The following ANKS1B variants were observed in gnomAD, a reference collection of about 807,000 sequenced individuals.
ANKS1B encodes the protein ankyrin repeat and sterile alpha motif domain-containing protein 1B.
ANKS1B carries 36 observed loss-of-function variants against 148.3 expected under a neutral mutation model. The observed-to-expected ratio is 0.24, with a 90% confidence interval of 0.19 to 0.32. The LOEUF is 0.32. Ranked by LOEUF, ANKS1B falls within the 10% of genes least tolerant of loss-of-function variation. The probability of loss-of-function intolerance (pLI) is 1.00; values close to 1 mark genes in which losing one functional copy is unlikely to be tolerated. For missense variants in ANKS1B, 1,157 were observed against 1,542.6 expected (o/e 0.75, Z 4.19); for synonymous variants, 542 against 560.8 (o/e 0.97, Z 0.47).
intron 9 of ANKS1B, among the ~76,000 whole-genome samples, chr12:99,595,252 TATA>T (rs1431313533): frequency 6.6e-6 from 1 of 151,928 alleles, no homozygotes; most frequent in African/African-American, 2.4e-5. Flanking sequence ...TCCCTAAACC[TATA>T]ATGTTATGGT....
At chr12:99,701,070 A>G (rs191600008) in intron 8 of ANKS1B, among the ~76,000 whole-genome samples, 43 of 152,324 alleles carry the variant, frequency 2.8e-4, no homozygotes, top group African/African-American at 1.0e-3. Context: ...TTATAGTTTA[A>G]CTTTGTTACC....
intron 9 of ANKS1B, among the ~76,000 whole-genome samples, chr12:99,569,107 C>T (rs1237822416): frequency 6.6e-6 from 1 of 152,208 alleles, no homozygotes; most frequent in African/African-American, 2.4e-5. Flanking sequence ...AACTACTCCA[C>T]CTCGAGTGGT....
chr12:99,741,250 G>C (rs2060083863), intron 8 of ANKS1B, among the ~76,000 whole-genome samples: 1 of 101,336 alleles, frequency 9.9e-6, no homozygotes, highest in South Asian at 3.7e-4. Context: ...CACACATCAG[G>C]AAACAACAGA....
chr12:98,846,482 A>T (rs1595356489), intron 17 of ANKS1B, among the ~76,000 whole-genome samples: 2 of 152,234 alleles, frequency 1.3e-5, no homozygotes, highest in African/African-American at 2.4e-5. Context: ...CCACCCTGGC[A>T]AGGAAAGGAA....
intron 8 of ANKS1B, among the ~76,000 whole-genome samples, chr12:99,696,664 G>T (rs1014510358): frequency 6.6e-6 from 1 of 152,100 alleles, no homozygotes; most frequent in African/African-American, 2.4e-5. Flanking sequence ...GTTGGGTTTG[G>T]CAATAACATT....
intron 9 of ANKS1B, among the ~76,000 whole-genome samples, chr12:99,652,876 T>C (rs563297615): frequency 2.0e-5 from 3 of 152,078 alleles, no homozygotes; most frequent in Non-Finnish European, 4.4e-5. Context: ...CAAAAAATAA[T>C]ATAGAGCCAT....
In ANKS1B at chr12:99,272,332, G is replaced by A. The variant is rs190437193; in HGVS notation, c.1757-25468C>T. Among the ~76,000 whole-genome samples the A allele has an allele frequency of 2.6e-3, 394 of 152,238 alleles. 1 individual carries two copies. Among genetic ancestry groups the A allele is most frequent in the African/African-American group, 8.7e-3 (363 of 41,546 alleles). On this transcript the variant is annotated intron_variant, in intron 12 of 26. Coordinates refer to ENST00000683438, the MANE Select transcript of ANKS1B (RefSeq NM_001352186.2). ...ACACTCTTTTCAGAAAACTTTGTTA[G>A]TGCTTGAGAAATAACATTAAAATCC... is the stretch of plus-strand genomic sequence containing the variant.
intron 24 of ANKS1B, among the ~76,000 whole-genome samples, chr12:98,773,576 T>C (rs2098628547): frequency 6.6e-6 from 1 of 152,094 alleles, no homozygotes; most frequent in Non-Finnish European, 1.5e-5. Flanking sequence ...TGCCTCAGCC[T>C]CCCGAATAGC....
At chr12:98,895,025 G>A (rs1260301806) in intron 17 of ANKS1B, 2 of 849,058 alleles carry the variant, frequency 2.4e-6, no homozygotes, top group Non-Finnish European at 2.8e-6. Context: ...TCCCCCGAAC[G>A]CCGTCTCCAG....
At chr12:98,747,539 A>G (rs1263638994) in intron 26 of ANKS1B, among the ~76,000 whole-genome samples, 3 of 152,254 alleles carry the variant, frequency 2.0e-5, no homozygotes, top group African/African-American at 7.2e-5. Context: ...TATGGAGAAT[A>G]GCATGGAGGG....
chr12:99,894,309 G>GAGGA (rs1385138391), intron 1 of ANKS1B, among the ~76,000 whole-genome samples: 1 of 71,050 alleles, frequency 1.4e-5, no homozygotes, highest in South Asian at 6.3e-4. Flanking sequence ...GGGAGGGAGG[G>GAGGA]AGGGAGGGAG....
At chr12:98,781,262 A>G (rs763832557) in intron 23 of ANKS1B, 59 bp from the exon 24 acceptor site, 45 of 1,020,148 alleles carry the variant, frequency 4.4e-5, no homozygotes, top group Non-Finnish European at 6.3e-5. Context: ...ACTGAAGCAC[A>G]CAATTTTTCC....
chr12:99,015,380 G>A (rs892436499), intron 17 of ANKS1B, among the ~76,000 whole-genome samples: 4 of 152,166 alleles, frequency 2.6e-5, no homozygotes, highest in African/African-American at 7.2e-5. Context: ...AGGATGGGAG[G>A]AGGGAGAAGA....
intron 10 of ANKS1B, 147 bp from the exon 11 acceptor site, chr12:99,443,956 A>G (rs2095592659): frequency 5.3e-6 from 5 of 937,570 alleles, no homozygotes; most frequent in Non-Finnish European, 3.1e-6. Context: ...GCTCAGTAGT[A>G]TATTTTAAAG....
At chr12:99,855,441 T>C (rs2088852943) in intron 1 of ANKS1B, among the ~76,000 whole-genome samples, 1 of 152,082 alleles carries the variant, frequency 6.6e-6, no homozygotes, top group South Asian at 2.1e-4. Flanking sequence ...AGAAATGAGA[T>C]AGACAGCAAG....
chr12:99,132,538 G>A (rs911525324), intron 15 of ANKS1B, among the ~76,000 whole-genome samples: 3 of 152,042 alleles, frequency 2.0e-5, no homozygotes, highest in African/African-American at 7.2e-5. Context: ...GAGGGATTAC[G>A]TTAGGTATAA....
intron 15 of ANKS1B, among the ~76,000 whole-genome samples, chr12:99,135,658 C>T (rs772680051): frequency 2.6e-4 from 39 of 152,176 alleles, no homozygotes; most frequent in Non-Finnish European, 4.1e-4. Context: ...ATTAATCAAC[C>T]ACAGGGGCAG....
intron 15 of ANKS1B, among the ~76,000 whole-genome samples, chr12:99,111,600 G>A (rs1457305993): frequency 6.6e-6 from 1 of 151,046 alleles, no homozygotes; most frequent in Non-Finnish European, 1.5e-5. Flanking sequence ...CTGAACCCCA[G>A]TGTGTGGGAA....
At chr12:98,948,129 G>GT (rs1338583661) in intron 17 of ANKS1B, among the ~76,000 whole-genome samples, 9 of 151,854 alleles carry the variant, frequency 5.9e-5, no homozygotes, top group Admixed American at 3.3e-4. Flanking sequence ...TCTTGTGCTG[G>GT]TATTACTTTT....
Sources: allele counts gnomAD v4.1 joint callset (sites outside exome capture counted in the v4.1 genomes callset), GRCh38; gene constraint gnomAD v4.1.1; transcripts MANE v1.5; gene names NCBI Gene and HGNC (gene_info 2026-07-23, HGNC 2026-07-21).